The following PDE4D variants were observed in gnomAD, a reference collection of about 807,000 sequenced individuals.
PDE4D encodes the protein 3',5'-cyclic-AMP phosphodiesterase 4D.
In PDE4D, 24 loss-of-function variants were observed where a neutral mutation model predicts 87.4. That is an observed-to-expected ratio of 0.27 (90% CI 0.20 to 0.39). PDE4D has a LOEUF of 0.39. PDE4D is among the 10% of genes least tolerant of loss of function. The pLI, the probability that PDE4D is intolerant of heterozygous loss-of-function variation, is 1.00. For synonymous variants in PDE4D, 384 were observed against 383.2 expected, an observed-to-expected ratio of 1.00 and a Z score of -0.02; for missense variants, 714 against 1,041.0, an observed-to-expected ratio of 0.69 and a Z score of 4.32.
chr5:59,690,007 C>A (rs1275371652), intron 1 of PDE4D, among the ~76,000 whole-genome samples: 1 of 152,142 alleles, frequency 6.6e-6, no homozygotes, highest in Non-Finnish European at 1.5e-5. Flanking sequence ...ATCCAACTTA[C>A]AAGGGATGTG....
intron 2 of PDE4D, among the ~76,000 whole-genome samples, chr5:60,044,314 A>G (rs1768907188): frequency 1.3e-5 from 2 of 152,082 alleles, no homozygotes; most frequent in African/African-American, 4.8e-5. Flanking sequence ...CAATTTTTTA[A>G]AAGATCCTGT....
intron 1 of PDE4D, among the ~76,000 whole-genome samples, chr5:59,352,719 G>A (rs1562014796): frequency 6.6e-6 from 1 of 152,114 alleles, no homozygotes; most frequent in Non-Finnish European, 1.5e-5. Flanking sequence ...GGCAAATATT[G>A]CTTTATCTTT....
At chr5:60,387,789 C>T (rs1056100909) in intron 1 of PDE4D, among the ~76,000 whole-genome samples, 2 of 152,152 alleles carry the variant, frequency 1.3e-5, no homozygotes, top group African/African-American at 4.8e-5. Flanking sequence ...ACACATCAAG[C>T]AGTGGACACC....
In PDE4D at chr5:59,844,465, T is replaced by C. The variant is rs945443253; in HGVS notation, c.455+48703A>G. Among the ~76,000 whole-genome samples the C allele has an allele frequency of 3.9e-5, 6 of 152,136 alleles. No homozygotes were observed. In the South Asian group the frequency reaches 1.2e-3, roughly 31 times the overall value. On this transcript the variant is annotated intron_variant, in intron 1 of 14. Transcript: ENST00000340635. ...TTTTTAATATTTCAAATATTCTTTG[T>C]AAACAGGTATTTTAATAATTGCATA...
At chr5:59,769,230 C>G (rs187902840) in intron 1 of PDE4D, among the ~76,000 whole-genome samples, 1 of 152,238 alleles carries the variant, frequency 6.6e-6, no homozygotes, top group East Asian at 1.9e-4. Context: ...AGAACCCAAA[C>G]AAACAAAAGG....
chr5:59,771,483 A>AAGAAAGAAAGAAAG (rs1379469312), intron 1 of PDE4D, among the ~76,000 whole-genome samples: 6 of 54,398 alleles, frequency 1.1e-4, no homozygotes, highest in Non-Finnish European at 1.6e-4. Context: ...GAAAGAAAGA[A>AAGAAAGAAAGAAAG]AGAGAGAGAG....
chr5:60,099,058 G>A (rs1346897499), intron 2 of PDE4D, among the ~76,000 whole-genome samples: 1 of 151,818 alleles, frequency 6.6e-6, no homozygotes, highest in East Asian at 1.9e-4. Flanking sequence ...CTAAAGTACA[G>A]CTTTTACAGA....
At chr5:60,080,327 CAG>C (rs1298560297) in intron 2 of PDE4D, among the ~76,000 whole-genome samples, 1 of 152,200 alleles carries the variant, frequency 6.6e-6, no homozygotes, top group African/African-American at 2.4e-5. Flanking sequence ...TGTCTACAAA[CAG>C]AGACAATTTG....
intron 1 of PDE4D, among the ~76,000 whole-genome samples, chr5:60,324,543 C>A (rs546414261): frequency 6.6e-6 from 1 of 152,178 alleles, no homozygotes; most frequent in African/African-American, 2.4e-5. Flanking sequence ...GAGGCTGAGG[C>A]GGGAGAATCA....
intron 1 of PDE4D, among the ~76,000 whole-genome samples, chr5:59,462,040 T>G (rs1237878022): frequency 6.6e-6 from 1 of 152,168 alleles, no homozygotes; most frequent in South Asian, 2.1e-4. Context: ...TATTCTATGA[T>G]AGTCAGATTA....
intron 1 of PDE4D, among the ~76,000 whole-genome samples, chr5:60,278,484 C>T (rs1328972438): frequency 2.6e-5 from 4 of 152,016 alleles, no homozygotes; most frequent in African/African-American, 7.2e-5. Flanking sequence ...AGTTTTTCAT[C>T]CCATCCCTCT....
chr5:59,160,922 C>G (rs187080411), intron 5 of PDE4D, among the ~76,000 whole-genome samples: 77 of 152,152 alleles, frequency 5.1e-4, no homozygotes, highest in African/African-American at 1.7e-3. Context: ...ATGGTGAAAC[C>G]CTGTCTCTAC....
chr5:59,168,780 T>C (rs1353864160), intron 5 of PDE4D, among the ~76,000 whole-genome samples: 1 of 152,224 alleles, frequency 6.6e-6, no homozygotes, highest in Non-Finnish European at 1.5e-5. Context: ...TGTGTATGTG[T>C]GTACATGCCA....
At chr5:59,931,067 C>T (rs1438257373) in intron 3 of PDE4D, among the ~76,000 whole-genome samples, 1 of 151,994 alleles carries the variant, frequency 6.6e-6, no homozygotes, top group Non-Finnish European at 1.5e-5. Flanking sequence ...AAAAATGTTC[C>T]ATATTTATTT....
At chr5:60,087,361 G>A (rs959293128) in intron 2 of PDE4D, among the ~76,000 whole-genome samples, 10 of 152,108 alleles carry the variant, frequency 6.6e-5, no homozygotes, top group African/African-American at 2.4e-4. Context: ...TGGAAACTCA[G>A]GGAAATATGA....
chr5:59,260,603 T>G (rs1487314310), intron 1 of PDE4D, among the ~76,000 whole-genome samples: 1 of 151,862 alleles, frequency 6.6e-6, no homozygotes, highest in Admixed American at 6.6e-5. Flanking sequence ...ATTGTTTGAC[T>G]ATTAAGAAAT....
chr5:59,735,140 A>C (rs748202559), intron 1 of PDE4D, among the ~76,000 whole-genome samples: 2 of 152,180 alleles, frequency 1.3e-5, no homozygotes, highest in Non-Finnish European at 2.9e-5. Flanking sequence ...AAAATTATTC[A>C]CTTGAATGCC....
At chr5:59,531,179 T>C (rs1419421719) in intron 1 of PDE4D, among the ~76,000 whole-genome samples, 2 of 152,218 alleles carry the variant, frequency 1.3e-5, no homozygotes, top group Non-Finnish European at 2.9e-5. Flanking sequence ...TAGAAACTGC[T>C]CTTTTAATGG....
intron 2 of PDE4D, among the ~76,000 whole-genome samples, chr5:60,144,368 C>A (rs565781988): frequency 6.6e-6 from 1 of 152,314 alleles, no homozygotes; most frequent in African/African-American, 2.4e-5. Flanking sequence ...GTTGCCTAGG[C>A]AGAGTGAAGC....
Sources: allele counts gnomAD v4.1 joint callset (sites outside exome capture counted in the v4.1 genomes callset), GRCh38; gene constraint gnomAD v4.1.1; transcripts MANE v1.5; gene names NCBI Gene and HGNC (gene_info 2026-07-23, HGNC 2026-07-21).